Variants in MARVELD2 observed in about 807,000 individuals in gnomAD.
MARVELD2 encodes the protein MARVEL domain-containing protein 2.
In MARVELD2, 49 loss-of-function variants were observed where a neutral mutation model predicts 57.6. The ratio of observed to expected loss-of-function variants is 0.85; its 90% CI spans 0.68 to 1.08. The LOEUF (loss-of-function observed/expected upper bound fraction) is 1.08, where lower values mean the gene tolerates loss of function less well. Ranked by LOEUF, MARVELD2 falls within the 50% of genes least tolerant of loss-of-function variation. The probability of loss-of-function intolerance (pLI) is 0.00; values close to 1 mark genes in which losing one functional copy is unlikely to be tolerated. For synonymous variants in MARVELD2, 238 were observed against 258.8 expected (o/e 0.92, Z 0.77); for missense variants, 606 against 701.1 (o/e 0.86, Z 1.53).
intron 1 of MARVELD2, among the ~76,000 whole-genome samples, chr5:69,416,295 A>C (rs1197491833): frequency 6.6e-6 from 1 of 152,256 alleles, no homozygotes; most frequent in Non-Finnish European, 1.5e-5. Flanking sequence ...AGAAAGGTAC[A>C]AAAATAACTG....
At chr5:69,437,516 C>T (rs1394089868) in intron 5 of MARVELD2, among the ~76,000 whole-genome samples, 1 of 151,626 alleles carries the variant, frequency 6.6e-6, no homozygotes, top group African/African-American at 2.4e-5. Flanking sequence ...AACCCCGTCC[C>T]TACTAAAAAT....
chr5:69,422,980 C>T (rs1018673066), intron 2 of MARVELD2, among the ~76,000 whole-genome samples: 5 of 152,204 alleles, frequency 3.3e-5, no homozygotes, highest in Non-Finnish European at 7.3e-5. Flanking sequence ...TCACTATAAC[C>T]TCCGCTTCCC....
intron 3 of MARVELD2, among the ~76,000 whole-genome samples, chr5:69,430,564 C>T (rs985971945): frequency 6.6e-5 from 10 of 151,572 alleles, no homozygotes; most frequent in South Asian, 4.2e-4. Context: ...GACGGCGTCT[C>T]GCTCTGTCAC....
chr5:69,421,703 C>T (rs559010074), intron 2 of MARVELD2, among the ~76,000 whole-genome samples: 155 of 152,094 alleles, frequency 1.0e-3, no homozygotes, highest in African/African-American at 3.7e-3. Context: ...CTCAAGCAAT[C>T]CACCTGCCTT....
chr5:69,441,751 C>T lies in MARVELD2; in HGVS notation c.*97C>T, dbSNP rs568296893. 5 of 832,926 alleles carry T rather than the reference C, an allele frequency of 6.0e-6. No individual in the cohort carries two copies. The highest frequency in any genetic ancestry group is 1.7e-5 in the African/African-American group (1 of 58,106). 51.6% of individuals were successfully genotyped at this position (832,926 alleles called of 1,614,324 possible). On this transcript the variant is annotated 3_prime_UTR_variant, in exon 7 of 7. Coordinates refer to ENST00000325631, the MANE Select transcript of MARVELD2 (RefSeq NM_001038603.3). ...AGGCTGGAATGCAGTGGCACAATCT[C>T]GGCTCACTGCAACCTCCACCTCCCG...
intron 1 of MARVELD2, chr5:69,418,828 G>A (rs570185414): frequency 7.8e-5 from 12 of 153,322 alleles, no homozygotes; most frequent in African/African-American, 2.4e-4. Context: ...GAGTGTGTTC[G>A]CGTTCTGTTG....
chr5:69,419,314 G>C, intron 1 of MARVELD2, 57 bp from the exon 2 acceptor site: 3 of 1,544,130 alleles, frequency 1.9e-6, no homozygotes, highest in Admixed American at 1.8e-5. Context: ...AATAAAATCA[G>C]CATCATTGAG....
rs983230377 is a variant in MARVELD2, at chr5:69,423,520, A to C, written c.1147-1081A>C. 7.2e-5 allele frequency among the ~76,000 whole-genome samples: 11 copies of C among 152,298 alleles called. 1 individual carries two copies. Among genetic ancestry groups the C allele is most frequent in the Admixed American group, 5.9e-4 (9 of 15,286 alleles). ...GCAATCCTCCTGCCTCAGCCTCCCA[A>C]AGTGTTGGGATTATAAGTATAAGCC... On this transcript the variant is annotated intron_variant, in intron 2 of 6. Transcript: ENST00000325631.
intron 5 of MARVELD2, among the ~76,000 whole-genome samples, chr5:69,434,476 G>A (rs1290298654): frequency 2.1e-4 from 31 of 144,952 alleles, no homozygotes; most frequent in Middle Eastern, 3.6e-3. Context: ...AAAAAAAAAA[G>A]CAAGCAGATA....
In MARVELD2 at chr5:69,441,614, A is replaced by G. The variant is rs377424361; in HGVS notation, c.1637A>G (p.Tyr546Cys). Residue 546 changes from tyrosine to cysteine, a missense_variant, in exon 7 of 7, where the codon TAT becomes TGT. By Grantham distance (194) the Tyr-to-Cys change is radical (BLOSUM62 -2). Coordinates refer to ENST00000325631, the MANE Select transcript of MARVELD2 (RefSeq NM_001038603.3). The part of the protein sequence containing the change: ...LSHIKQRIQE[Y>C]DKVMNWDVQG... ...CACATAAAGCAAAGAATTCAAGAAT[A>G]TGATAAAGTAATGAATTGGGATGTA... 6 of 1,591,552 alleles carry G rather than the reference A, an allele frequency of 3.8e-6. No homozygotes were observed. The African/African-American group carries it at 8.0e-5, about 21-fold the overall frequency.
In MARVELD2 at chr5:69,432,574, T is replaced by G. The variant is rs767835385; in HGVS notation, c.1230T>G (p.Asn410Lys). 13 of 1,614,218 alleles carry G rather than the reference T, an allele frequency of 8.1e-6. No homozygotes were observed. Among genetic ancestry groups the G allele is most frequent in the Non-Finnish European group, 1.1e-5 (13 of 1,180,042 alleles). Reference sequence around the variant, plus strand: ...ACAGACAAAGAGACTCAGAAGTTAATTTCAAGGAACTGAGAACAGCAAAAA... The same window carrying G: ...ACAGACAAAGAGACTCAGAAGTTAAGTTCAAGGAACTGAGAACAGCAAAAA... ...SGDRQRDSEV[N>K]FKELRTAKMK... The change falls in exon 4 of 7, where the codon AAT becomes AAG. Residue 410 changes from asparagine (N) to lysine (K), a missense_variant. Physicochemically the swap from Asn to Lys is moderately conservative, Grantham distance 94. Coordinates refer to ENST00000325631, the MANE Select transcript of MARVELD2 (RefSeq NM_001038603.3).
rs186683225 is a variant in MARVELD2 at position 69,425,884 on chromosome 5, G to A, written c.1182+1248G>A. ...GCTGGGACTACAGGTGCCCACCACC[G>A]CGGCCGGCTAATTTTTTGTATTTTT... On this transcript the variant is annotated intron_variant, in intron 3 of 6. Coordinates refer to ENST00000325631, the MANE Select transcript of MARVELD2 (RefSeq NM_001038603.3). Among the ~76,000 whole-genome samples the A allele has an allele frequency of 1.1e-3, 169 of 151,452 alleles. 2 individuals are homozygous for A. Among genetic ancestry groups the A allele is most frequent in the African/African-American group, 3.8e-3 (156 of 41,308 alleles).
At chr5:69,440,591 C>A in intron 6 of MARVELD2, 91 bp downstream of exon 6, 4 of 778,168 alleles carry the variant, frequency 5.1e-6, no homozygotes, top group Admixed American at 2.3e-5. Flanking sequence ...TAAAATAGTT[C>A]CTTTTTGTAT....
intron 6 of MARVELD2, 148 bp from the exon 7 acceptor site, chr5:69,441,384 A>G: frequency 1.2e-6 from 1 of 848,814 alleles, no homozygotes; most frequent in South Asian, 1.8e-5. Flanking sequence ...TTTAAAAAAT[A>G]TGTAGAGAGC....
chr5:69,432,721 C>A lies in MARVELD2; in HGVS notation c.1331+46C>A, dbSNP rs760826017. The A allele has an allele frequency of 1.9e-6, 3 of 1,612,832 alleles. No individual in the cohort carries two copies. The East Asian group carries it at 6.7e-5, about 36-fold the overall frequency. On this transcript the variant is annotated intron_variant, in intron 4 of 6. Transcript: ENST00000325631. ...TTCCTCAAGGTAGAAGTTGAGGGGCCCCATTTGGTCCTTTCATTTTCCAGT... is the reference window on the plus strand; with the variant it reads ...TTCCTCAAGGTAGAAGTTGAGGGGCACCATTTGGTCCTTTCATTTTCCAGT...
At chr5:69,420,789 T>C (rs1204487189) in intron 2 of MARVELD2, among the ~76,000 whole-genome samples, 1 of 152,150 alleles carries the variant, frequency 6.6e-6, no homozygotes, top group Non-Finnish European at 1.5e-5. Flanking sequence ...AATATATAGT[T>C]TGTTGGCTGC....
intron 3 of MARVELD2, among the ~76,000 whole-genome samples, chr5:69,432,234 C>T (rs1766986323): frequency 2.6e-5 from 4 of 152,140 alleles, no homozygotes; most frequent in Admixed American, 6.6e-5. Flanking sequence ...TGGTTTCAAA[C>T]TCCTGATCTC....
chr5:69,433,260 T>A (rs1443425244), intron 5 of MARVELD2, among the ~76,000 whole-genome samples, 167 bp downstream of exon 5: 3 of 151,178 alleles, frequency 2.0e-5, no homozygotes, highest in Non-Finnish European at 4.4e-5. Flanking sequence ...CCTCCTGGGT[T>A]CAAGCAATTC....
intron 5 of MARVELD2, among the ~76,000 whole-genome samples, chr5:69,436,452 CAT>C (rs35663517): frequency 0.07 from 4,815 of 69,208 alleles, 139 homozygotes; most frequent in South Asian, 0.16. Flanking sequence ...CACACACACA[CAT>C]ATATATAAAT....
Sources: gnomAD v4.1 joint callset for allele counts (sites outside exome capture counted in the v4.1 genomes callset) on GRCh38, gnomAD v4.1.1 for gene constraint, MANE v1.5 for transcripts, NCBI Gene and HGNC (gene_info 2026-07-23, HGNC 2026-07-21) for gene names.